Variants in ZNF696 observed in about 807,000 individuals in gnomAD.
The protein encoded by ZNF696 is zinc finger protein 696.
In ZNF696, 10 loss-of-function variants were observed where a neutral mutation model predicts 12.3. The ratio of observed to expected loss-of-function variants is 0.81; its 90% confidence interval spans 0.50 to 1.38. The LOEUF (loss-of-function observed/expected upper bound fraction) is 1.38, where lower values mean the gene tolerates loss of function less well. Among genes scored for constraint, ZNF696 ranks in the 40% most tolerant of loss-of-function variants. The pLI, the probability that ZNF696 is intolerant of heterozygous loss-of-function variation, is 0.00. For missense variants in ZNF696, 675 were observed against 554.7 expected (o/e 1.22, Z -2.18); for synonymous variants, 304 against 243.9 (o/e 1.25, Z -2.29).
chr8:143,295,654 ACT>A (rs1815695456), intron 2 of ZNF696, 84 bp from the exon 3 acceptor site: 25 of 1,371,574 alleles, frequency 1.8e-5, no homozygotes, highest in Non-Finnish European at 2.2e-5. Flanking sequence ...CATCACTGTC[ACT>A]CTGTCGTCAC....
In ZNF696 at chr8:143,296,465, C is replaced by T; in HGVS notation, c.790C>T (p.Pro264Ser). The change falls in exon 3 of 3, where the codon CCG (proline) becomes TCG (serine). Residue 264 changes from proline to serine, a missense_variant. By Grantham distance (74) the Pro-to-Ser change is moderately conservative (BLOSUM62 -1). Transcript: ENST00000330143. ...CCGGCGGACCCACCACGGGGAGAAC[C>T]CGTACGAGTGCCGGGAGTGCGGCCA... The part of the protein sequence containing the change: ...RHRRTHHGEN[P>S]YECRECGQAF... 6.2e-7 allele frequency: 1 copy of T among 1,608,406 alleles called. No individual in the cohort carries two copies. The highest frequency in any genetic ancestry group is 8.5e-7 in the Non-Finnish European group (1 of 1,178,976).
chr8:143,294,824 T>G (rs1815680727), intron 2 of ZNF696, among the ~76,000 whole-genome samples: 2 of 151,896 alleles, frequency 1.3e-5, no homozygotes, highest in Non-Finnish European at 2.9e-5. Flanking sequence ...GTGTGGTGGC[T>G]CACACCTGTA....
rs538414100 is a variant in ZNF696 at position 143,299,682 on chromosome 8, C to T, written c.*2882C>T. Among the ~76,000 whole-genome samples the T allele has an allele frequency of 6.6e-6, 1 of 152,310 alleles. No homozygotes were observed. Among genetic ancestry groups the T allele is most frequent in the African/African-American group, 2.4e-5 (1 of 41,556 alleles). ...ATTAAAAAATAAGAACGAAATCAGG[C>T]TGGGCCTGAGCGCTGTGGCTCACAC... On this transcript the variant is annotated 3_prime_UTR_variant, in exon 3 of 3. Transcript: ENST00000330143.
In ZNF696 at chr8:143,296,386, C is replaced by T. The variant is rs372712936; in HGVS notation, c.711C>T (p.Tyr237=). ...HRRTHTGERL[Y]ACGECGKRFL... The stretch of plus-strand genomic sequence containing the variant: ...GCACCCACACCGGGGAGAGGCTGTA[C>T]GCGTGCGGCGAGTGCGGGAAGCGCT... Residue 237 remains tyrosine, a synonymous_variant, in exon 3 of 3, where the codon TAC becomes TAT. Transcript: ENST00000330143. The T allele has an allele frequency of 3.8e-6, 6 of 1,594,380 alleles. No individual in the cohort carries two copies. The highest frequency in any genetic ancestry group is 5.1e-6 in the Non-Finnish European group (6 of 1,173,200).
intron 1 of ZNF696, 26 bp from the exon 2 acceptor site, chr8:143,292,946 A>G (rs1377059842): frequency 3.8e-6 from 6 of 1,597,544 alleles, no homozygotes; most frequent in Middle Eastern, 1.8e-4. Context: ...GCTGTGATTT[A>G]TTTTCCTTTT....
rs1025644527 is a variant in ZNF696 at position 143,295,729 on chromosome 8, C to T, written c.65-11C>T. 6.4e-7 allele frequency: 1 copy of T among 1,566,680 alleles called. No individual in the cohort carries two copies. The highest frequency in any genetic ancestry group is 2.0e-5 in the Admixed American group (1 of 50,318). On this transcript the variant is annotated splice_polypyrimidine_tract_variant and intron_variant, in intron 2 of 2. Coordinates refer to ENST00000330143, the MANE Select transcript of ZNF696 (RefSeq NM_030895.3). ...ACATCTAAAATCGTTCCTGTCTGGC[C>T]TCTTTTTCAGCTGTGAAGGCTGCTT...
rs2129743541 is a variant in ZNF696, at chr8:143,297,041, A to G, written c.*241A>G. Reference sequence around the variant, plus strand: ...CGATTCCCAGAGGCGGGGAGGTCTCAGGGGTCTGTCCCGGGCCGGCCGCCC... The same window carrying G: ...CGATTCCCAGAGGCGGGGAGGTCTCGGGGGTCTGTCCCGGGCCGGCCGCCC... On this transcript the variant is annotated 3_prime_UTR_variant, in exon 3 of 3. Transcript: ENST00000330143. 2 of 440,548 alleles carry G rather than the reference A, an allele frequency of 4.5e-6. No individual in the cohort carries two copies. The highest frequency in any genetic ancestry group is 7.8e-6 in the Non-Finnish European group (2 of 256,716). 27.3% of individuals were successfully genotyped at this position (440,548 alleles called of 1,614,324 possible).
rs778236489 is a variant in ZNF696 at position 143,296,539 on chromosome 8, G to T, written c.864G>T (p.Thr288=). The T allele has an allele frequency of 5.6e-6, 9 of 1,603,494 alleles. No individual in the cohort carries two copies. Among genetic ancestry groups the T allele is most frequent in the Non-Finnish European group, 5.9e-6 (7 of 1,178,416 alleles). The change falls in exon 3 of 3, where the codon ACG becomes ACT. Residue 288 remains threonine (T), a synonymous_variant. Coordinates refer to ENST00000330143, the MANE Select transcript of ZNF696 (RefSeq NM_030895.3). ...SNLLQHQRVH[T]GERPFACQDC... The stretch of plus-strand genomic sequence containing the variant: ...TCCTCCAGCACCAGCGCGTGCACAC[G>T]GGGGAGCGGCCCTTCGCCTGCCAGG...
Position 143,295,882 on chromosome 8 carries a change from G to A in ZNF696, c.207G>A (p.Gly69=), listed in dbSNP as rs1815700467. 2.6e-6 allele frequency: 4 copies of A among 1,563,502 alleles called. No individual in the cohort carries two copies. The highest frequency in any genetic ancestry group is 2.7e-5 in the African/African-American group (2 of 73,538). ...GHRGGPPRAL[G]SLGLCENQEA... ...GAGGGGGGCCTCCCCGGGCGTTGGG[G>A]TCTCTTGGCCTTTGTGAAAACCAGG... The change falls in exon 3 of 3, where the codon GGG becomes GGA. Residue 69 remains glycine (G), a synonymous_variant. Coordinates refer to ENST00000330143, the MANE Select transcript of ZNF696 (RefSeq NM_030895.3).
At position 143,298,518 on chromosome 8, in the gene ZNF696, G is replaced by T. The variant is rs548600389; in HGVS notation, c.*1718G>T. Among the ~76,000 whole-genome samples, 1 of 152,118 alleles carries T rather than the reference G, an allele frequency of 6.6e-6. No homozygotes were observed. The highest frequency in any genetic ancestry group is 1.9e-4 in the East Asian group (1 of 5,196). ...ACCTGGCTTAGCCTCATTCCTGCTC[G>T]TAAGTCAGGCATTCAGCTTGCAAAG... is the stretch of plus-strand genomic sequence containing the variant. On this transcript the variant is annotated 3_prime_UTR_variant, in exon 3 of 3. Transcript: ENST00000330143.
chr8:143,296,042 C>T lies in ZNF696; in HGVS notation c.367C>T (p.Arg123Trp). The change falls in exon 3 of 3, where the codon CGG (arginine) becomes TGG (tryptophan). Residue 123 changes from arginine (R) to tryptophan (W), a missense_variant. Arg to Trp is a moderately radical substitution (Grantham distance 101). Transcript: ENST00000330143. ...AGAGGGCGGGGGCAGCTGGAAGGGG[C>T]GGCCTTTCCCGTGCGGCGCCTGTGG... ...GAEGGGSWKG[R>W]PFPCGACGRS... is the part of the protein sequence containing the mutation. The T allele has an allele frequency of 1.9e-6, 3 of 1,591,816 alleles. No homozygotes were observed. Among genetic ancestry groups the T allele is most frequent in the South Asian group, 1.1e-5 (1 of 88,844 alleles).
At position 143,297,454 on chromosome 8, in the gene ZNF696, C is replaced by T. The variant is rs1398864664; in HGVS notation, c.*654C>T. 2 of 152,230 alleles carry T rather than the reference C, an allele frequency of 1.3e-5. No individual in the cohort carries two copies. Among genetic ancestry groups the T allele is most frequent in the Non-Finnish European group, 2.9e-5 (2 of 68,068 alleles). The allele number at this position is 152,230 out of a possible 1,614,324, so 9.4% of individuals were successfully genotyped here. A position where few individuals can be genotyped will look rare whatever the true frequency, so the allele number is the denominator to read the frequency against. The stretch of plus-strand genomic sequence containing the variant: ...CACACGGTCAAGAGATCAAGACCAT[C>T]CTGGCCAACATGGCAAAACCCCCAT... On this transcript the variant is annotated 3_prime_UTR_variant, in exon 3 of 3. Transcript: ENST00000330143.
At position 143,297,293 on chromosome 8, in the gene ZNF696, C is replaced by A. The variant is rs1050869421; in HGVS notation, c.*493C>A. ...CGTACCTTGCGGGTCGGTGGTTCAT[C>A]CATGTATTTCAACGCCTTTTCACAG... On this transcript the variant is annotated 3_prime_UTR_variant, in exon 3 of 3. Coordinates refer to ENST00000330143, the MANE Select transcript of ZNF696 (RefSeq NM_030895.3). 2 of 156,674 alleles carry A rather than the reference C, an allele frequency of 1.3e-5. No individual in the cohort carries two copies. Among genetic ancestry groups the A allele is most frequent in the African/African-American group, 4.8e-5 (2 of 41,656 alleles). The allele number at this position is 156,674 out of a possible 1,614,324, so 9.7% of individuals were successfully genotyped here.
In ZNF696 at chr8:143,295,858, A is replaced by AG. The variant is rs752583377; in HGVS notation, c.189dup (p.Pro64AlafsTer12). On this transcript the variant is annotated frameshift_variant, in exon 3 of 3. Transcript: ENST00000330143. LOFTEE classifies it low-confidence loss of function (END_TRUNC). Reference sequence around the variant, plus strand: ...GCGCTCCCGAGGGAGAGGGCCACAGAGGGGGGCCTCCCCGGGCGTTGGGGT... The same window carrying AG: ...GCGCTCCCGAGGGAGAGGGCCACAGAGGGGGGGCCTCCCCGGGCGTTGGGGT... 5.1e-6 allele frequency: 8 copies of AG among 1,577,660 alleles called. No individual in the cohort carries two copies. Among genetic ancestry groups the AG allele is most frequent in the Non-Finnish European group, 6.9e-6 (8 of 1,160,986 alleles).
At position 143,296,707 on chromosome 8, in the gene ZNF696, G is replaced by C. The variant is rs1278006461; in HGVS notation, c.1032G>C (p.Thr344=). The change falls in exon 3 of 3, where the codon ACG becomes ACC. Residue 344 remains threonine, a synonymous_variant. Coordinates refer to ENST00000330143, the MANE Select transcript of ZNF696 (RefSeq NM_030895.3). The stretch of plus-strand genomic sequence containing the variant: ...TCTTCCGGCACCAGCGACTCCACAC[G>C]GGCGAGAAGCCGTTCCGCTGCACCG... ...SGFFRHQRLH[T]GEKPFRCTEC... The C allele has an allele frequency of 6.4e-7, 1 of 1,557,980 alleles. No individual in the cohort carries two copies. The highest frequency in any genetic ancestry group is 8.6e-7 in the Non-Finnish European group (1 of 1,160,434).
chr8:143,298,218 T>C lies in ZNF696; in HGVS notation c.*1418T>C, dbSNP rs954791263. Among the ~76,000 whole-genome samples, 2 of 152,098 alleles carry C rather than the reference T, an allele frequency of 1.3e-5. No individual in the cohort carries two copies. Among genetic ancestry groups the C allele is most frequent in the Non-Finnish European group, 1.5e-5 (1 of 68,008 alleles). On this transcript the variant is annotated 3_prime_UTR_variant, in exon 3 of 3. Coordinates refer to ENST00000330143, the MANE Select transcript of ZNF696 (RefSeq NM_030895.3). ...AGTTCTCTGCCCAGGTAAGGACTAA[T>C]TGGGAAGAATTCTGGGTCCTGAGCT...
chr8:143,294,764 G>C (rs560529185), intron 2 of ZNF696, among the ~76,000 whole-genome samples: 1 of 152,098 alleles, frequency 6.6e-6, no homozygotes, highest in Non-Finnish European at 1.5e-5. Flanking sequence ...AGGAGTCTGC[G>C]TTGTCTCAGG....
In ZNF696 at chr8:143,295,973, A is replaced by G; in HGVS notation, c.298A>G (p.Ser100Gly). The G allele has an allele frequency of 3.8e-6, 6 of 1,583,192 alleles. No individual in the cohort carries two copies. The highest frequency in any genetic ancestry group is 5.2e-6 in the Non-Finnish European group (6 of 1,164,312). The change falls in exon 3 of 3, where the codon AGT (serine) becomes GGT (glycine). Residue 100 changes from serine (S) to glycine (G), a missense_variant. By Grantham distance (56) the Ser-to-Gly change is moderately conservative. Transcript: ENST00000330143. Reference sequence around the variant, plus strand: ...CACTTCTGAGAAAACTGGAGGACAGAGTGGCCTCGAGTCAGACGTCCCTCC... The same window carrying G: ...CACTTCTGAGAAAACTGGAGGACAGGGTGGCCTCGAGTCAGACGTCCCTCC... Reference protein sequence around the residue: ...PVTSEKTGGQSGLESDVPPNA... With the variant: ...PVTSEKTGGQGGLESDVPPNA...
In ZNF696 at chr8:143,296,304, C is replaced by T. The variant is rs746996370; in HGVS notation, c.629C>T (p.Ala210Val). 2 of 1,597,232 alleles carry T rather than the reference C, an allele frequency of 1.3e-6. No individual in the cohort carries two copies. Among genetic ancestry groups the T allele is most frequent in the Non-Finnish European group, 1.7e-6 (2 of 1,175,348 alleles). The change falls in exon 3 of 3, where the codon GCG becomes GTG. Residue 210 changes from alanine (A) to valine (V), a missense_variant. Physicochemically the swap from Ala to Val is moderately conservative, Grantham distance 64. Transcript: ENST00000330143. Reference protein sequence around the residue: ...QRVHTGEKPYACADCGKAFGQ... With the variant: ...QRVHTGEKPYVCADCGKAFGQ... ...GTGCACACGGGCGAGAAGCCCTACG[C>T]GTGCGCCGACTGCGGCAAGGCCTTC...
Sources: gnomAD v4.1 joint callset for allele counts (sites outside exome capture counted in the v4.1 genomes callset) on GRCh38, gnomAD v4.1.1 for gene constraint, MANE v1.5 for transcripts, NCBI Gene and HGNC (gene_info 2026-07-23, HGNC 2026-07-21) for gene names.